The following ADAMTS18 variants were observed in gnomAD, a reference collection of about 807,000 sequenced individuals.
ADAMTS18 encodes the protein ADAM metallopeptidase with thrombospondin type 1 motif 18.
A neutral mutation model predicts 165.9 loss-of-function variants in ADAMTS18; 157 were observed. The observed-to-expected ratio is 0.95, with a 90% CI of 0.83 to 1.08. The LOEUF is 1.08. Among genes scored for constraint, ADAMTS18 ranks in the 50% least tolerant of loss-of-function variants. The pLI, the probability that ADAMTS18 is intolerant of heterozygous loss-of-function variation, is 0.00. For synonymous variants in ADAMTS18, 782 were observed against 578.2 expected, an observed-to-expected ratio of 1.35 and a Z score of -5.06; for missense variants, 2,040 against 1,534.0, an observed-to-expected ratio of 1.33 and a Z score of -5.51.
intron 3 of ADAMTS18, among the ~76,000 whole-genome samples, chr16:77,380,500 C>A (rs1011982118): frequency 6.6e-5 from 10 of 152,192 alleles, no homozygotes; most frequent in African/African-American, 2.4e-4. Context: ...TGCCTGTGCC[C>A]ATTCTCAAAA....
intron 3 of ADAMTS18, among the ~76,000 whole-genome samples, chr16:77,399,837 T>C (rs759219996): frequency 6.6e-6 from 1 of 152,194 alleles, no homozygotes; most frequent in Non-Finnish European, 1.5e-5. Context: ...AATGATGATA[T>C]TTACAACTAT....
chr16:77,288,582 G>T (rs987062262), intron 22 of ADAMTS18, among the ~76,000 whole-genome samples: 1 of 151,950 alleles, frequency 6.6e-6, no homozygotes, highest in Non-Finnish European at 1.5e-5. Context: ...AAACATTTAG[G>T]TATAGTCCTA....
intron 3 of ADAMTS18, among the ~76,000 whole-genome samples, chr16:77,387,019 T>A (rs2057117252): frequency 6.6e-6 from 1 of 152,182 alleles, no homozygotes. Context: ...AAACAGATGC[T>A]GGGGATGACA....
chr16:77,289,460 G>C (rs775353756), intron 21 of ADAMTS18, 49 bp from the exon 22 acceptor site: 4 of 1,601,002 alleles, frequency 2.5e-6, no homozygotes, highest in Middle Eastern at 1.8e-4. Context: ...ACTGAGGTCA[G>C]TGACATCAAA....
chr16:77,387,284 C>G (rs1276311654), intron 3 of ADAMTS18, among the ~76,000 whole-genome samples: 4 of 152,210 alleles, frequency 2.6e-5, no homozygotes, highest in African/African-American at 9.6e-5. Flanking sequence ...TTGCCAAACT[C>G]TGGCTCATTT....
intron 3 of ADAMTS18, among the ~76,000 whole-genome samples, chr16:77,401,074 G>A (rs1229519929): frequency 6.6e-6 from 1 of 151,952 alleles, no homozygotes; most frequent in Non-Finnish European, 1.5e-5. Flanking sequence ...TGGCCAACAT[G>A]GAGAAACCAC....
At chr16:77,432,957 C>T (rs7184361) in intron 2 of ADAMTS18, among the ~76,000 whole-genome samples, 41,467 of 152,034 alleles carry the variant, frequency 0.27, 6,516 homozygotes, top group Non-Finnish European at 0.37. Flanking sequence ...TCCTCCCACT[C>T]CCATTTTTCT....
chr16:77,344,460 G>A (rs754374860), intron 10 of ADAMTS18, among the ~76,000 whole-genome samples: 143 of 152,190 alleles, frequency 9.4e-4, no homozygotes, highest in Non-Finnish European at 1.6e-3. Context: ...TCAGTTTGAG[G>A]GAAATCAATC....
rs1487165310 is a variant in ADAMTS18, at chr16:77,334,271, T to C, written c.1859+1485A>G. 1.9e-5 allele frequency among the ~76,000 whole-genome samples: 2 copies of C among 106,628 alleles called. 1 individual carries two copies. The highest frequency in any genetic ancestry group is 3.4e-5 in the Non-Finnish European group (2 of 59,188). The allele number at this position is 106,628 out of a possible 152,430, so 70.0% of individuals were successfully genotyped here. On this transcript the variant is annotated intron_variant, in intron 12 of 22. Coordinates refer to ENST00000282849, the MANE Select transcript of ADAMTS18 (RefSeq NM_199355.4). ...ATATTACATATAATATATAGTGTTATATATTATATATAATATATAGTATAT... is the reference window on the plus strand; with the variant it reads ...ATATTACATATAATATATAGTGTTACATATTATATATAATATATAGTATAT...
chr16:77,349,524 TAAAAA>T lies in ADAMTS18; in HGVS notation c.1614+4204_1614+4208del, dbSNP rs767997537. Among the ~76,000 whole-genome samples, 6 of 71,534 alleles carry T rather than the reference TAAAAA, an allele frequency of 8.4e-5. No individual in the cohort carries two copies. The South Asian group carries it at 2.9e-3, about 34-fold the overall frequency. 46.9% of individuals were successfully genotyped at this position (71,534 alleles called of 152,430 possible). ...CCCCATTTGTTTATGTCATCTTATG[TAAAAA>T]AAAAAAAAAAAAAAAAAAAGCCGGT... On this transcript the variant is annotated intron_variant, in intron 10 of 22. Coordinates refer to ENST00000282849, the MANE Select transcript of ADAMTS18 (RefSeq NM_199355.4).
intron 3 of ADAMTS18, among the ~76,000 whole-genome samples, chr16:77,424,173 A>AAGGT (rs1555528874): frequency 6.6e-6 from 1 of 151,932 alleles, no homozygotes; most frequent in African/African-American, 2.4e-5. Flanking sequence ...CATACCCGAA[A>AAGGT]AGGCAGGCAG....
At chr16:77,307,306 G>C (rs1156653861) in intron 16 of ADAMTS18, among the ~76,000 whole-genome samples, 5 of 152,118 alleles carry the variant, frequency 3.3e-5, no homozygotes, top group Non-Finnish European at 7.4e-5. Context: ...TTAGAATTCA[G>C]CCCATTTTCT....
At chr16:77,334,572 T>TTATATAGTAGTATATAC (rs1567491541) in intron 12 of ADAMTS18, among the ~76,000 whole-genome samples, 3 of 112,148 alleles carry the variant, frequency 2.7e-5, no homozygotes, top group African/African-American at 1.1e-4. Context: ...GTAGTATATA[T>TTATATAGTAGTATATAC]AGTATATATT....
intron 3 of ADAMTS18, among the ~76,000 whole-genome samples, chr16:77,372,054 C>G (rs995095641): frequency 6.6e-6 from 1 of 151,972 alleles, no homozygotes. Flanking sequence ...CAGGGAAATG[C>G]AAATCAAAAC....
chr16:77,423,443 G>C (rs535424653), intron 3 of ADAMTS18, among the ~76,000 whole-genome samples: 21 of 152,144 alleles, frequency 1.4e-4, no homozygotes, highest in Middle Eastern at 3.4e-3. Flanking sequence ...AATGACATCG[G>C]TTTTGATAAT....
chr16:77,415,967 G>A (rs1024805305), intron 3 of ADAMTS18, among the ~76,000 whole-genome samples: 2 of 152,150 alleles, frequency 1.3e-5, no homozygotes, highest in South Asian at 2.1e-4. Flanking sequence ...AAATACAGCA[G>A]TGAATAGCAG....
Position 77,359,421 on chromosome 16 carries a change from A to T in ADAMTS18, c.1219T>A (p.Phe407Ile). 1 of 1,613,126 alleles carries T rather than the reference A, an allele frequency of 6.2e-7. No individual in the cohort carries two copies. Among genetic ancestry groups the T allele is most frequent in the South Asian group, 1.1e-5 (1 of 90,688 alleles). ...WKNEPCDTLG[F>I]APISGMCSKY... ...GAGCACATTCCACTGATGGGGGCAA[A>T]CCCTATTGAAAGAGCAGTTTCAAAT... The change falls in exon 8 of 23, where the codon TTT becomes ATT. Residue 407 changes from phenylalanine to isoleucine, a missense_variant and splice_region_variant. Coordinates refer to ENST00000282849, the MANE Select transcript of ADAMTS18 (RefSeq NM_199355.4).
intron 3 of ADAMTS18, among the ~76,000 whole-genome samples, chr16:77,409,073 G>T (rs973404574): frequency 6.6e-6 from 1 of 151,732 alleles, no homozygotes; most frequent in Non-Finnish European, 1.5e-5. Context: ...TAAAAATAAA[G>T]AAAAAACAGT....
chr16:77,426,707 G>C (rs1296886925), intron 3 of ADAMTS18, among the ~76,000 whole-genome samples: 1 of 152,202 alleles, frequency 6.6e-6, no homozygotes, highest in African/African-American at 2.4e-5. Flanking sequence ...TGACACACTA[G>C]AGGCTAATAG....
Sources: gnomAD v4.1 joint callset for allele counts (sites outside exome capture counted in the v4.1 genomes callset) on GRCh38, gnomAD v4.1.1 for gene constraint, MANE v1.5 for transcripts, NCBI Gene and HGNC (gene_info 2026-07-23, HGNC 2026-07-21) for gene names.